KIAA0319L: variants seen among roughly 807,000 people sequenced by gnomAD.
KIAA0319L encodes the protein dyslexia-associated protein KIAA0319-like protein.
In KIAA0319L, 55 loss-of-function variants were observed where a neutral mutation model predicts 120.1. That is an observed-to-expected ratio of 0.46 (90% CI 0.37 to 0.57). The LOEUF (loss-of-function observed/expected upper bound fraction) is 0.57, where lower values mean the gene tolerates loss of function less well. KIAA0319L is among the 20% of genes least tolerant of loss of function. The probability of loss-of-function intolerance (pLI) is 0.00; values close to 1 mark genes in which losing one functional copy is unlikely to be tolerated. For missense variants in KIAA0319L, 1,049 were observed against 1,255.3 expected (o/e 0.84, Z 2.48); for synonymous variants, 398 against 471.9 (o/e 0.84, Z 2.03).
rs189194167 is a variant in KIAA0319L at position 35,470,875 on chromosome 1, G to C, written c.1101C>G (p.Leu367=). ...GEMEGKHSQI[L]KLSKLTPGLY... The stretch of plus-strand genomic sequence containing the variant: ...GAGGCAAATTCACCTTCGATAGTTT[G>C]AGGATCTGGGAATGTTTCCCTTCCA... Residue 367 remains leucine, a synonymous_variant, in exon 6 of 21, where the codon CTC becomes CTG. Coordinates refer to ENST00000325722, the MANE Select transcript of KIAA0319L (RefSeq NM_024874.5). 1.9e-5 allele frequency: 30 copies of C among 1,609,634 alleles called. No individual in the cohort carries two copies. The East Asian group carries it at 6.7e-4, about 36-fold the overall frequency.
At chr1:35,520,816 T>C (rs1157221779) in intron 2 of KIAA0319L, among the ~76,000 whole-genome samples, 1 of 152,116 alleles carries the variant, frequency 6.6e-6, no homozygotes, top group Non-Finnish European at 1.5e-5. Context: ...ATAAGTTAGA[T>C]GGGGGAGACA....
At chr1:35,526,050 GTA>G (rs1224476945) in intron 2 of KIAA0319L, among the ~76,000 whole-genome samples, 4 of 151,824 alleles carry the variant, frequency 2.6e-5, no homozygotes, top group Non-Finnish European at 5.9e-5. Flanking sequence ...ATTCTTCTGT[GTA>G]TGAGTATCCA....
chr1:35,513,291 T>A (rs398046998), intron 2 of KIAA0319L, among the ~76,000 whole-genome samples: 3,965 of 93,062 alleles, frequency 0.043, 31 homozygotes, highest in African/African-American at 0.07. Flanking sequence ...TATATATATT[T>A]TTTTTTTTTT....
rs572530436 is a variant in KIAA0319L, at chr1:35,458,227, C to T, written c.1428-1986G>A. 5.3e-5 allele frequency among the ~76,000 whole-genome samples: 8 copies of T among 152,320 alleles called. No homozygotes were observed. In the East Asian group the frequency reaches 1.5e-3, roughly 29 times the overall value. On this transcript the variant is annotated intron_variant, in intron 9 of 20. Coordinates refer to ENST00000325722, the MANE Select transcript of KIAA0319L (RefSeq NM_024874.5). ...ATGGGATTACAGGCATGAGCCACTG[C>T]GCCCAGCCTGTTTTTTGTTTTTAAC...
intron 4 of KIAA0319L, among the ~76,000 whole-genome samples, chr1:35,475,937 C>T (rs1643886563): frequency 1.3e-5 from 2 of 152,300 alleles, no homozygotes; most frequent in South Asian, 2.1e-4. Context: ...AGGGACTTTG[C>T]TAAAGTTATT....
rs1241918695 is a variant in KIAA0319L, at chr1:35,444,194, A to G, written c.2623T>C (p.Leu875=). The change falls in exon 17 of 21, where the codon TTG becomes CTG. Residue 875 remains leucine (L), a synonymous_variant. Coordinates refer to ENST00000325722, the MANE Select transcript of KIAA0319L (RefSeq NM_024874.5). Reference sequence around the variant, plus strand: ...TTGACTTCCAAGGCTCTGAATATCAAAAAGTCTGCCTTTTGCTTCCGCAGC... The same window carrying G: ...TTGACTTCCAAGGCTCTGAATATCAGAAAGTCTGCCTTTTGCTTCCGCAGC... ...SELRKQKADF[L]IFRALEVNTV... The G allele has an allele frequency of 6.2e-7, 1 of 1,607,894 alleles. No individual in the cohort carries two copies. Among genetic ancestry groups the G allele is most frequent in the Admixed American group, 1.7e-5 (1 of 58,860 alleles).
At chr1:35,538,062 C>T (rs562584355) in intron 2 of KIAA0319L, among the ~76,000 whole-genome samples, 1 of 152,276 alleles carries the variant, frequency 6.6e-6, no homozygotes, top group South Asian at 2.1e-4. Context: ...TTCAGCTATT[C>T]TCTGCCCCAT....
chr1:35,466,743 T>C, intron 6 of KIAA0319L, 48 bp from the exon 7 acceptor site: 1 of 1,267,292 alleles, frequency 7.9e-7, no homozygotes. Context: ...AGAGCAGGAA[T>C]TACATTTAAA....
At chr1:35,552,073 G>C (rs1430554972) in intron 2 of KIAA0319L, among the ~76,000 whole-genome samples, 2 of 152,092 alleles carry the variant, frequency 1.3e-5, no homozygotes, top group Non-Finnish European at 2.9e-5. Context: ...CACCAGGCAT[G>C]GTGGCTCACG....
At chr1:35,486,212 G>GT (rs1195370804) in intron 3 of KIAA0319L, among the ~76,000 whole-genome samples, 1 of 151,688 alleles carries the variant, frequency 6.6e-6, no homozygotes, top group Admixed American at 6.6e-5. Context: ...GTGAGACCCC[G>GT]TGTCTACAAA....
intron 2 of KIAA0319L, among the ~76,000 whole-genome samples, chr1:35,549,013 T>C (rs1053976431): frequency 2.0e-5 from 3 of 152,104 alleles, no homozygotes; most frequent in Non-Finnish European, 2.9e-5. Context: ...AGCTAAATGC[T>C]TCTCCTACGG....
intron 2 of KIAA0319L, among the ~76,000 whole-genome samples, chr1:35,523,257 T>C (rs11264169): frequency 0.16 from 23,700 of 152,090 alleles, 3,686 homozygotes; most frequent in East Asian, 0.52. Flanking sequence ...AGCTCAACCA[T>C]TGGCTCCATG....
upstream of KIAA0319L, chr1:35,557,426 G>C: frequency 3.0e-6 from 1 of 330,796 alleles, no homozygotes; most frequent in Non-Finnish European, 5.9e-6. Flanking sequence ...CACCTCCCCG[G>C]GACCGACCCG....
At chr1:35,460,220 G>C (rs1443956463) in intron 9 of KIAA0319L, 85 bp downstream of exon 9, 1 of 1,116,698 alleles carries the variant, frequency 9.0e-7, no homozygotes, top group Non-Finnish European at 1.3e-6. Flanking sequence ...TTTGATATTT[G>C]TCAAAGTTAC....
chr1:35,460,211 T>C (rs1392244011), intron 9 of KIAA0319L, 94 bp downstream of exon 9: 2 of 1,030,458 alleles, frequency 1.9e-6, no homozygotes, highest in African/African-American at 1.6e-5. Context: ...CACAGTGAAT[T>C]TGATATTTGT....
At chr1:35,504,353 C>T (rs572500126) in intron 3 of KIAA0319L, among the ~76,000 whole-genome samples, 9 of 152,162 alleles carry the variant, frequency 5.9e-5, no homozygotes, top group Admixed American at 1.3e-4. Flanking sequence ...CCTGCCACCA[C>T]GCCCGGCTAA....
chr1:35,511,523 A>C (rs1194660735), intron 2 of KIAA0319L: 1 of 152,186 alleles, frequency 6.6e-6, no homozygotes, highest in Non-Finnish European at 1.5e-5. Context: ...TGAGCCCATG[A>C]GTTCAAGACC....
At chr1:35,545,217 T>C (rs1646938143) in intron 2 of KIAA0319L, among the ~76,000 whole-genome samples, 1 of 152,054 alleles carries the variant, frequency 6.6e-6, no homozygotes. Flanking sequence ...AGCAGTGCCC[T>C]CTAGGGGGGC....
intron 2 of KIAA0319L, among the ~76,000 whole-genome samples, chr1:35,549,042 C>A (rs117059803): frequency 6.6e-6 from 1 of 151,440 alleles, no homozygotes; most frequent in Admixed American, 6.6e-5. Context: ...GCACTCTGTG[C>A]GTTGCATCTT....
Sources: allele counts gnomAD v4.1 joint callset (sites outside exome capture counted in the v4.1 genomes callset), GRCh38; gene constraint gnomAD v4.1.1; transcripts MANE v1.5; gene names NCBI Gene and HGNC (gene_info 2026-07-23, HGNC 2026-07-21).